CHL1: variants seen among roughly 807,000 people sequenced by gnomAD.
CHL1 encodes neural cell adhesion molecule L1-like protein.
A neutral mutation model predicts 141.9 loss-of-function variants in CHL1; 96 were observed. That is an observed-to-expected ratio of 0.68 (90% CI 0.57 to 0.80). The LOEUF is 0.80. Among genes scored for constraint, CHL1 ranks in the 30% least tolerant of loss-of-function variants. The pLI is 0.00. For synonymous variants in CHL1, 613 were observed against 502.2 expected, an observed-to-expected ratio of 1.22 and a Z score of -2.95; for missense variants, 1,820 against 1,457.2, an observed-to-expected ratio of 1.25 and a Z score of -4.05.
Position 322,672 on chromosome 3 carries a change from T to TA in CHL1, c.91+2805_91+2806insA, listed in dbSNP as rs1220334388. 3.1e-4 allele frequency among the ~76,000 whole-genome samples: 40 copies of TA among 127,848 alleles called. No individual in the cohort carries two copies. The South Asian group carries it at 6.4e-3, about 21-fold the overall frequency. 83.9% of individuals were successfully genotyped at this position (127,848 alleles called of 152,430 possible). A position where few individuals can be genotyped will look rare whatever the true frequency, so the allele number is the denominator to read the frequency against. Reference sequence around the variant, plus strand: ...TATATATATATATATATATATATAATTATATATATATATATAAAACGAATA... The same window carrying TA: ...TATATATATATATATATATATATAATATATATATATATATATAAAACGAATA... On this transcript the variant is annotated intron_variant, in intron 3 of 27. Coordinates refer to ENST00000256509, the MANE Select transcript of CHL1 (RefSeq NM_006614.4).
intron 16 of CHL1, among the ~76,000 whole-genome samples, chr3:378,947 C>A (rs1706688354): frequency 6.6e-6 from 1 of 152,160 alleles, no homozygotes; most frequent in South Asian, 2.1e-4. Context: ...TCTGCAGGGA[C>A]CCTAACAGCT....
chr3:334,354 T>A (rs914823799), intron 5 of CHL1, among the ~76,000 whole-genome samples: 2 of 152,120 alleles, frequency 1.3e-5, no homozygotes, highest in Non-Finnish European at 2.9e-5. Context: ...TTTTTAGTAA[T>A]TTTTTTAGTG....
chr3:291,705 T>C (rs186130055), intron 2 of CHL1, among the ~76,000 whole-genome samples: 1 of 152,184 alleles, frequency 6.6e-6, no homozygotes, highest in African/African-American at 2.4e-5. Context: ...CTCATTTTTT[T>C]AAAATACTGA....
chr3:293,283 C>A (rs145658689), intron 2 of CHL1, among the ~76,000 whole-genome samples: 27 of 152,152 alleles, frequency 1.8e-4, no homozygotes, highest in African/African-American at 6.3e-4. Flanking sequence ...GGATGGTTCT[C>A]TTGAGGCCAG....
At chr3:389,835 A>G (rs1479666586) in intron 20 of CHL1, among the ~76,000 whole-genome samples, 1 of 152,206 alleles carries the variant, frequency 6.6e-6, no homozygotes, top group Non-Finnish European at 1.5e-5. Context: ...GGATCCCCTA[A>G]GAGCCACTTG....
chr3:378,190 C>T (rs1221173358), intron 16 of CHL1, among the ~76,000 whole-genome samples: 2 of 152,200 alleles, frequency 1.3e-5, no homozygotes, highest in East Asian at 1.9e-4. Context: ...GTAAGTGATG[C>T]TATCCGCAGA....
At chr3:311,939 C>G (rs770416164) in intron 2 of CHL1, among the ~76,000 whole-genome samples, 1 of 151,974 alleles carries the variant, frequency 6.6e-6, no homozygotes, top group Non-Finnish European at 1.5e-5. Flanking sequence ...CATGAATTTC[C>G]GTAATTTTCT....
intron 2 of CHL1, among the ~76,000 whole-genome samples, chr3:317,549 G>A (rs1248092611): frequency 6.6e-6 from 1 of 151,214 alleles, no homozygotes; most frequent in African/African-American, 2.4e-5. Context: ...AAAGCCATCA[G>A]CATTGAAAAC....
At chr3:239,830 G>A (rs1368974593) in intron 1 of CHL1, among the ~76,000 whole-genome samples, 3 of 151,920 alleles carry the variant, frequency 2.0e-5, no homozygotes. Flanking sequence ...CCACTTAAGA[G>A]TGAGAACATA....
intron 26 of CHL1, 133 bp from the exon 27 acceptor site, chr3:401,493 A>T: frequency 3.4e-6 from 2 of 582,916 alleles, no homozygotes; most frequent in Non-Finnish European, 6.0e-6. Flanking sequence ...AGCCAGAAAA[A>T]AATATTGCCT....
chr3:214,481 T>C (rs1575612660), intron 1 of CHL1, among the ~76,000 whole-genome samples: 1 of 152,218 alleles, frequency 6.6e-6, no homozygotes, highest in Admixed American at 6.5e-5. Context: ...TTAAGAGACA[T>C]CAGTGTTACG....
chr3:365,855 T>C (rs1704812879), intron 14 of CHL1, 95 bp from the exon 15 acceptor site: 1 of 865,252 alleles, frequency 1.2e-6, no homozygotes, highest in Non-Finnish European at 1.8e-6. Context: ...GATTGGACAG[T>C]TATGGTGACA....
At chr3:335,742 TC>T (rs1174748311) in intron 5 of CHL1, among the ~76,000 whole-genome samples, 2 of 152,246 alleles carry the variant, frequency 1.3e-5, no homozygotes, top group Non-Finnish European at 2.9e-5. Context: ...AGGATTTTCT[TC>T]CTTCTGTCCT....
intron 23 of CHL1, among the ~76,000 whole-genome samples, chr3:393,474 C>T (rs901378803): frequency 2.0e-5 from 3 of 151,858 alleles, no homozygotes; most frequent in South Asian, 2.1e-4. Flanking sequence ...GTGACATTTA[C>T]GTTTATTTAA....
chr3:197,872 CTTTT>C (rs58240971), intron 1 of CHL1: 43 of 358,606 alleles, frequency 1.2e-4, no homozygotes, highest in Non-Finnish European at 1.5e-4. Context: ...CTTTCTCTCG[CTTTT>C]TTTTTTTTTT....
intron 19 of CHL1, among the ~76,000 whole-genome samples, chr3:387,680 C>G (rs905108422): frequency 6.6e-6 from 1 of 152,138 alleles, no homozygotes; most frequent in South Asian, 2.1e-4. Flanking sequence ...GATTGCAGTA[C>G]GGCACTACAA....
rs1044623863 is a variant in CHL1 at position 276,891 on chromosome 3, A to G, written c.-95+32199A>G. Among the ~76,000 whole-genome samples the G allele has an allele frequency of 9.3e-5, 3 of 32,320 alleles. No individual in the cohort carries two copies. In the South Asian group the frequency reaches 4.5e-3, roughly 49 times the overall value. The allele number at this position is 32,320 out of a possible 152,430, so 21.2% of individuals were successfully genotyped here. On this transcript the variant is annotated intron_variant, in intron 2 of 27. Coordinates refer to ENST00000256509, the MANE Select transcript of CHL1 (RefSeq NM_006614.4). The stretch of plus-strand genomic sequence containing the variant: ...GTGAAAGAGGAAGACTCCGTCTCCT[A>G]AAAAAAAAAAAAAAAAAAAAAAAAA...
At chr3:198,823 A>G (rs1451565393) in intron 1 of CHL1, among the ~76,000 whole-genome samples, 1 of 152,202 alleles carries the variant, frequency 6.6e-6, no homozygotes, top group Non-Finnish European at 1.5e-5. Flanking sequence ...AAATATGAAT[A>G]TTTGTACTGC....
rs1428040479 is a variant in CHL1 at position 326,021 on chromosome 3, T to C, written c.154T>C (p.Tyr52His). ...CCAAGTTGCCTTTCCCTTCGATGAGTATTTTCAAATTGAATGTGAAGCTAA... is the reference window on the plus strand; with the variant it reads ...CCAAGTTGCCTTTCCCTTCGATGAGCATTTTCAAATTGAATGTGAAGCTAA... ...KVQVAFPFDE[Y>H]FQIECEAKGN... Residue 52 changes from tyrosine to histidine, a missense_variant, in exon 4 of 28, where the codon TAT (tyrosine) becomes CAT (histidine). Physicochemically the swap from Tyr to His is moderately conservative, Grantham distance 83. Coordinates refer to ENST00000256509, the MANE Select transcript of CHL1 (RefSeq NM_006614.4). 3.1e-6 allele frequency: 5 copies of C among 1,611,480 alleles called. No homozygotes were observed. In the East Asian group the frequency reaches 1.1e-4, roughly 36 times the overall value.
Sources: allele counts gnomAD v4.1 joint callset (sites outside exome capture counted in the v4.1 genomes callset), GRCh38; gene constraint gnomAD v4.1.1; transcripts MANE v1.5; gene names NCBI Gene and HGNC (gene_info 2026-07-23, HGNC 2026-07-21).